The following ASTN1 variants were observed in gnomAD, a reference collection of about 807,000 sequenced individuals.
ASTN1 encodes the protein astrotactin 1, also known as astrotactin-1.
In ASTN1, 41 loss-of-function variants were observed where a neutral mutation model predicts 140.7. That is an observed-to-expected ratio of 0.29 (90% CI 0.23 to 0.38). The LOEUF is 0.38. Among genes scored for constraint, ASTN1 ranks in the 10% least tolerant of loss-of-function variants. The pLI is 1.00. For missense variants in ASTN1, 1,479 were observed against 1,678.8 expected, an observed-to-expected ratio of 0.88 and a Z score of 2.08; for synonymous variants, 640 against 652.2, an observed-to-expected ratio of 0.98 and a Z score of 0.29.
chr1:176,872,224 G>A (rs1342544378), intron 21 of ASTN1, among the ~76,000 whole-genome samples: 2 of 147,640 alleles, frequency 1.4e-5, no homozygotes, highest in Non-Finnish European at 3.0e-5. Context: ...AAAGCACAAT[G>A]TTTGGACATA....
chr1:177,013,363 A>T (rs1675386173), intron 8 of ASTN1, among the ~76,000 whole-genome samples: 1 of 152,152 alleles, frequency 6.6e-6, no homozygotes, highest in Non-Finnish European at 1.5e-5. Context: ...GTTCCAGAAC[A>T]TTTGCCCTCT....
intron 16 of ASTN1, among the ~76,000 whole-genome samples, chr1:176,901,083 C>A (rs1247942099): frequency 6.6e-6 from 1 of 152,074 alleles, no homozygotes; most frequent in Non-Finnish European, 1.5e-5. Flanking sequence ...GGTTTAAATT[C>A]GTCTGGGGCA....
intron 2 of ASTN1, among the ~76,000 whole-genome samples, chr1:177,035,844 A>T (rs1279083385): frequency 6.6e-6 from 1 of 152,110 alleles, no homozygotes; most frequent in African/African-American, 2.4e-5. Context: ...AATTCTCTTA[A>T]CCATGTGTGG....
At chr1:177,014,081 A>G (rs546565122) in intron 8 of ASTN1, among the ~76,000 whole-genome samples, 4 of 152,122 alleles carry the variant, frequency 2.6e-5, no homozygotes, top group Admixed American at 2.6e-4. Flanking sequence ...GAAAGTGAAT[A>G]GTGGGATGCT....
intron 1 of ASTN1, among the ~76,000 whole-genome samples, chr1:177,105,460 A>C (rs574708771): frequency 6.6e-6 from 1 of 152,214 alleles, no homozygotes; most frequent in East Asian, 1.9e-4. Context: ...TGTACTCTAC[A>C]TTCTAAAATT....
chr1:177,048,528 T>G (rs1677365661), intron 2 of ASTN1, among the ~76,000 whole-genome samples: 1 of 152,216 alleles, frequency 6.6e-6, no homozygotes. Context: ...GGGCTAGACC[T>G]GCCAAGAATC....
intron 17 of ASTN1, among the ~76,000 whole-genome samples, chr1:176,891,513 G>C (rs6693826): frequency 7.5e-4 from 115 of 152,330 alleles, no homozygotes; most frequent in African/African-American, 2.6e-3. Flanking sequence ...GTAGATACAA[G>C]CCGGGCACGG....
intron 1 of ASTN1, among the ~76,000 whole-genome samples, chr1:177,065,926 G>C (rs1678329589): frequency 6.6e-6 from 1 of 152,188 alleles, no homozygotes; most frequent in Non-Finnish European, 1.5e-5. Context: ...GACTAAAACA[G>C]TGAGTTGAGG....
chr1:177,030,799 T>C lies in ASTN1; in HGVS notation c.1012+7A>G. The C allele has an allele frequency of 1.9e-6, 3 of 1,614,042 alleles. No individual in the cohort carries two copies. Among genetic ancestry groups the C allele is most frequent in the Middle Eastern group, 3.3e-4 (2 of 6,060 alleles). On this transcript the variant is annotated splice_region_variant and intron_variant, in intron 4 of 22. Transcript: ENST00000361833. ...CACCCACGAGCCCTAATGTCAGACA[T>C]GCATACCTCTTGCTTTGTTGTTGAT... is the stretch of plus-strand genomic sequence containing the variant.
chr1:177,119,431 G>A (rs942358961), intron 1 of ASTN1, among the ~76,000 whole-genome samples: 6 of 152,146 alleles, frequency 3.9e-5, no homozygotes, highest in Admixed American at 6.5e-5. Context: ...TCTCTGGTTC[G>A]GTAGCACTAG....
chr1:177,102,455 T>C (rs1420934762), intron 1 of ASTN1, among the ~76,000 whole-genome samples: 1 of 152,114 alleles, frequency 6.6e-6, no homozygotes, highest in Non-Finnish European at 1.5e-5. Context: ...CCTACTGAGG[T>C]CAATGACCCT....
In ASTN1 at chr1:176,864,236, C is replaced by T. The variant is rs1310060245; in HGVS notation, c.*48G>A. ...TCCACAGACCAACCCAGATGGATCC[C>T]TCCTCTTTCCTACTTCATTCTGGCA... On this transcript the variant is annotated 3_prime_UTR_variant, in exon 23 of 23. Coordinates refer to ENST00000361833, the MANE Select transcript of ASTN1 (RefSeq NM_004319.3). 6.3e-7 allele frequency: 1 copy of T among 1,597,844 alleles called. No individual in the cohort carries two copies. Among genetic ancestry groups the T allele is most frequent in the Middle Eastern group, 1.8e-4 (1 of 5,504 alleles).
chr1:177,142,890 A>G (rs1345710600), intron 1 of ASTN1, among the ~76,000 whole-genome samples: 1 of 138,474 alleles, frequency 7.2e-6, no homozygotes, highest in Non-Finnish European at 1.5e-5. Context: ...AGGAGCAAGG[A>G]GGAAAAAAAA....
At chr1:177,061,433 A>G (rs1678083358) in intron 1 of ASTN1, among the ~76,000 whole-genome samples, 168 bp from the exon 2 acceptor site, 1 of 152,226 alleles carries the variant, frequency 6.6e-6, no homozygotes, top group South Asian at 2.1e-4. Flanking sequence ...CACAAGGAAG[A>G]GGAGAGACCC....
chr1:177,048,292 AG>A (rs1677347509), intron 2 of ASTN1, among the ~76,000 whole-genome samples: 1 of 152,174 alleles, frequency 6.6e-6, no homozygotes, highest in African/African-American at 2.4e-5. Flanking sequence ...CCCCTGATTC[AG>A]GGACTCTCCT....
intron 7 of ASTN1, among the ~76,000 whole-genome samples, chr1:177,016,311 T>C (rs1483043733): frequency 8.8e-6 from 1 of 113,488 alleles, no homozygotes; most frequent in African/African-American, 3.2e-5. Context: ...CCTCTTCATT[T>C]GTAAAAAAAA....
intron 2 of ASTN1, among the ~76,000 whole-genome samples, chr1:177,049,348 T>C (rs960507437): frequency 1.3e-5 from 2 of 152,188 alleles, no homozygotes; most frequent in Admixed American, 1.3e-4. Flanking sequence ...ATTGAAATAA[T>C]CAACTATAAC....
At chr1:177,030,728 G>A in intron 4 of ASTN1, 78 bp downstream of exon 4, 1 of 1,570,116 alleles carries the variant, frequency 6.4e-7, no homozygotes, top group Non-Finnish European at 8.7e-7. Context: ...ATGAGAGAAT[G>A]GGTAGAAGAT....
chr1:177,017,789 C>G (rs1675632937), intron 7 of ASTN1, among the ~76,000 whole-genome samples: 1 of 152,172 alleles, frequency 6.6e-6, no homozygotes, highest in Non-Finnish European at 1.5e-5. Context: ...GACAGCTGCA[C>G]TTGATCTGTG....
Sources: allele counts gnomAD v4.1 joint callset (sites outside exome capture counted in the v4.1 genomes callset), GRCh38; gene constraint gnomAD v4.1.1; transcripts MANE v1.5; gene names NCBI Gene and HGNC (gene_info 2026-07-23, HGNC 2026-07-21).